Variants in SP140L observed in about 807,000 individuals in gnomAD.
SP140L encodes SP140 like nuclear body protein, also known as nuclear body protein SP140-like protein.
Under a neutral mutation model 84.3 loss-of-function variants are expected in SP140L, and 64 were observed. That is an observed-to-expected ratio of 0.76 (90% confidence interval 0.62 to 0.94). The LOEUF is 0.94. SP140L is among the 40% of genes least tolerant of loss of function. SP140L has a pLI of 0.00. For synonymous variants in SP140L, 242 were observed against 236.9 expected (o/e 1.02, Z -0.20); for missense variants, 628 against 692.5 (o/e 0.91, Z 1.05).
intron 5 of SP140L, among the ~76,000 whole-genome samples, chr2:230,368,174 C>T (rs951393927): frequency 6.6e-6 from 1 of 152,086 alleles, no homozygotes; most frequent in African/African-American, 2.4e-5. Flanking sequence ...TGGTAATGAA[C>T]TTTCTTAGCT....
intron 2 of SP140L, 132 bp downstream of exon 2, chr2:230,328,963 T>C: frequency 1.5e-6 from 2 of 1,364,920 alleles, no homozygotes; most frequent in Non-Finnish European, 1.9e-6. Flanking sequence ...GCCAATGTGA[T>C]TCAGTTGAGG....
At chr2:230,336,414 T>A (rs1254542715) in intron 2 of SP140L, among the ~76,000 whole-genome samples, 1 of 152,228 alleles carries the variant, frequency 6.6e-6, no homozygotes, top group Non-Finnish European at 1.5e-5. Context: ...CCCATTTGTT[T>A]TGCTTTTAGC....
intron 2 of SP140L, among the ~76,000 whole-genome samples, chr2:230,350,750 G>A (rs905667710): frequency 2.0e-5 from 3 of 152,082 alleles, no homozygotes; most frequent in African/African-American, 7.2e-5. Context: ...ATGGGGGCAG[G>A]ATGGGGGATT....
chr2:230,382,147 A>G lies in SP140L; in HGVS notation c.638-1363A>G, dbSNP rs963700716. Reference sequence around the variant, plus strand: ...ATCTATCCTCTTTGTCCATGACACCAACCAGGTAACAGTCACCCCCCCACC... The same window carrying G: ...ATCTATCCTCTTTGTCCATGACACCGACCAGGTAACAGTCACCCCCCCACC... On this transcript the variant is annotated intron_variant, in intron 7 of 18. Coordinates refer to ENST00000415673, the MANE Select transcript of SP140L (RefSeq NM_138402.6). 1.4e-4 allele frequency among the ~76,000 whole-genome samples: 21 copies of G among 152,188 alleles called. 1 individual carries two copies. The highest frequency in any genetic ancestry group is 3.4e-3 in the Middle Eastern group (1 of 294).
At chr2:230,350,906 C>G (rs1429828292) in intron 2 of SP140L, among the ~76,000 whole-genome samples, 2 of 152,072 alleles carry the variant, frequency 1.3e-5, no homozygotes, top group African/African-American at 4.8e-5. Context: ...AATATCAATT[C>G]CCTAAGGCTA....
intron 4 of SP140L, among the ~76,000 whole-genome samples, chr2:230,360,700 C>G (rs182486045): frequency 8.0e-4 from 122 of 152,264 alleles, no homozygotes; most frequent in African/African-American, 2.8e-3. Flanking sequence ...GTTTCTGGCA[C>G]TCCTTATGCT....
At chr2:230,333,751 T>C (rs1444016584) in intron 2 of SP140L, among the ~76,000 whole-genome samples, 2 of 152,056 alleles carry the variant, frequency 1.3e-5, no homozygotes, top group Non-Finnish European at 2.9e-5. Context: ...CCTCTAGAGA[T>C]TTTTTGTTTT....
chr2:230,347,136 A>G (rs1015596276), intron 2 of SP140L, among the ~76,000 whole-genome samples: 2 of 152,108 alleles, frequency 1.3e-5, no homozygotes, highest in African/African-American at 4.8e-5. Flanking sequence ...GTGCAGGATT[A>G]TTGCCTGTGC....
rs1300927178 is a variant in SP140L at position 230,327,219 on chromosome 2, G to C, written c.-51G>C. 1.9e-6 allele frequency: 3 copies of C among 1,583,580 alleles called. No homozygotes were observed. The Admixed American group carries it at 5.4e-5, about 29-fold the overall frequency. On this transcript the variant is annotated 5_prime_UTR_variant, in exon 1 of 19. Transcript: ENST00000415673. ...CACTGCACGCAGGCTGGGCCGACTGGGGAGCTCATAGGCCAGGCTCTGACA... is the reference window on the plus strand; with the variant it reads ...CACTGCACGCAGGCTGGGCCGACTGCGGAGCTCATAGGCCAGGCTCTGACA...
chr2:230,380,056 T>C (rs79273114), intron 7 of SP140L, among the ~76,000 whole-genome samples: 3,755 of 152,232 alleles, frequency 0.025, 179 homozygotes, highest in African/African-American at 0.085. Flanking sequence ...CAAGACTGGG[T>C]AATTTGTAAG....
intron 4 of SP140L, among the ~76,000 whole-genome samples, chr2:230,359,780 T>C (rs2060655982): frequency 6.6e-6 from 1 of 152,162 alleles, no homozygotes; most frequent in South Asian, 2.1e-4. Flanking sequence ...GTTTCTAGAA[T>C]AATGAACAAG....
intron 18 of SP140L, 82 bp from the exon 19 acceptor site, chr2:230,402,716 G>T (rs1425972070): frequency 4.7e-6 from 5 of 1,071,694 alleles, no homozygotes; most frequent in Non-Finnish European, 5.6e-6. Flanking sequence ...AAAGACAAGA[G>T]TCCTGATCAT....
intron 14 of SP140L, among the ~76,000 whole-genome samples, chr2:230,397,819 C>T (rs979655403): frequency 2.0e-5 from 3 of 152,062 alleles, no homozygotes; most frequent in African/African-American, 7.2e-5. Context: ...CAGGGACTCA[C>T]GAATGGTTAA....
intron 10 of SP140L, among the ~76,000 whole-genome samples, chr2:230,389,712 T>G (rs2061724782): frequency 6.6e-6 from 1 of 152,250 alleles, no homozygotes; most frequent in Non-Finnish European, 1.5e-5. Context: ...GCATTCAATT[T>G]TCTGTGAAAT....
At position 230,327,312 on chromosome 2, in the gene SP140L, A is replaced by T. The variant is rs374094753; in HGVS notation, c.32+11A>T. On this transcript the variant is annotated intron_variant, in intron 1 of 18. Coordinates refer to ENST00000415673, the MANE Select transcript of SP140L (RefSeq NM_138402.6). ...CGACCTGAGCACCAGGTGAGTCTTT[A>T]TCTCTCTTCCTTTCACCTTTATCTC... is the stretch of plus-strand genomic sequence containing the variant. 8 of 1,609,880 alleles carry T rather than the reference A, an allele frequency of 5.0e-6. No homozygotes were observed. Among genetic ancestry groups the T allele is most frequent in the East Asian group, 4.5e-5 (2 of 44,766 alleles).
chr2:230,336,482 G>A (rs554041577), intron 2 of SP140L, among the ~76,000 whole-genome samples: 2 of 152,270 alleles, frequency 1.3e-5, no homozygotes, highest in African/African-American at 4.8e-5. Context: ...TGTTTCATGA[G>A]AATCTATGAG....
intron 2 of SP140L, among the ~76,000 whole-genome samples, chr2:230,357,393 C>T (rs1030569516): frequency 2.6e-5 from 4 of 152,092 alleles, no homozygotes; most frequent in Admixed American, 2.6e-4. Context: ...CAAATTCTCT[C>T]AGTTGTTGAT....
chr2:230,328,275 G>A (rs145113082), intron 1 of SP140L, among the ~76,000 whole-genome samples: 4 of 152,272 alleles, frequency 2.6e-5, no homozygotes, highest in Non-Finnish European at 2.9e-5. Context: ...CACTCACTTC[G>A]CCTTGTAGCT....
chr2:230,380,400 A>AT (rs1255858443), intron 7 of SP140L, among the ~76,000 whole-genome samples: 7 of 152,164 alleles, frequency 4.6e-5, no homozygotes, highest in Non-Finnish European at 1.0e-4. Flanking sequence ...TATCCGCTCA[A>AT]TAACTCATGG....
Sources: gnomAD v4.1 joint callset for allele counts (sites outside exome capture counted in the v4.1 genomes callset) on GRCh38, gnomAD v4.1.1 for gene constraint, MANE v1.5 for transcripts, NCBI Gene and HGNC (gene_info 2026-07-23, HGNC 2026-07-21) for gene names.